ZNF577: variants seen among roughly 807,000 people sequenced by gnomAD.
ZNF577 encodes the protein zinc finger protein 577.
Under a neutral mutation model 13.9 loss-of-function variants are expected in ZNF577, and 14 were observed. That is an observed-to-expected ratio of 1.00 (90% CI 0.66 to 1.57). ZNF577 has a LOEUF of 1.57. Among genes scored for constraint, ZNF577 ranks in the 40% most tolerant of loss-of-function variants. ZNF577 has a pLI of 0.00. For synonymous variants in ZNF577, 203 were observed against 202.9 expected (o/e 1.00, Z 0.00); for missense variants, 555 against 579.2 (o/e 0.96, Z 0.43).
At chr19:51,842,356 TG>T (rs1220663133) in intron 8 of ZNF577, among the ~76,000 whole-genome samples, 1 of 152,152 alleles carries the variant, frequency 6.6e-6, no homozygotes, top group Non-Finnish European at 1.5e-5. Flanking sequence ...GTCTAGGTCA[TG>T]AGGGCTCCAC....
At chr19:51,851,788 G>A (rs1164691843) in intron 5 of ZNF577, among the ~76,000 whole-genome samples, 7 of 152,116 alleles carry the variant, frequency 4.6e-5, no homozygotes, top group Non-Finnish European at 8.8e-5. Flanking sequence ...ATCTGGAGCC[G>A]CCCTGTCACT....
chr19:51,836,635 G>T lies in ZNF577; in HGVS notation c.*599+3258C>A, dbSNP rs142480010. Among the ~76,000 whole-genome samples the T allele has an allele frequency of 5.9e-4, 90 of 152,280 alleles. 2 individuals are homozygous for T. The East Asian group carries it at 0.017, about 28-fold the overall frequency. ...ATTTTATTCATAAAAGTCAAACCTG[G>T]AAGTAACTCAGATGTCTGTCAACTG... On this transcript the variant is annotated intron_variant and NMD_transcript_variant, in intron 9 of 10. Coordinates refer to the ZNF577 transcript ENST00000638827.
intron 5 of ZNF577, among the ~76,000 whole-genome samples, chr19:51,850,552 G>C (rs2215518): frequency 0.38 from 57,453 of 152,092 alleles, 11,972 homozygotes; most frequent in African/African-American, 0.55. Context: ...TACTGACTTT[G>C]TTCTGTAGCC....
chr19:51,824,846 C>T lies in ZNF577; in HGVS notation c.*600-13172G>A. The T allele has an allele frequency of 6.6e-7, 1 of 1,518,008 alleles. No individual in the cohort carries two copies. The highest frequency in any genetic ancestry group is 8.9e-7 in the Non-Finnish European group (1 of 1,127,096). The allele number at this position is 1,518,008 out of a possible 1,614,324, so 94.0% of individuals were successfully genotyped here. A position where few individuals can be genotyped will look rare whatever the true frequency, so the allele number is the denominator to read the frequency against. On this transcript the variant is annotated intron_variant and NMD_transcript_variant, in intron 9 of 10. Transcript: ENST00000638827. This position sits in a 1 kb window ranked among gnomAD's most constrained non-coding sequence, Gnocchi z 4.7. ...ATTTTTGGGCTCTGTCTCTTTCTAC[C>T]CTGCGTTAAGCGGAAAAAAAAAATT...
chr19:51,867,818 A>T lies in ZNF577; in HGVS notation c.*4714T>A, dbSNP rs928271609. Among the ~76,000 whole-genome samples, 1 of 152,092 alleles carries T rather than the reference A, an allele frequency of 6.6e-6. No homozygotes were observed. The highest frequency in any genetic ancestry group is 2.4e-5 in the African/African-American group (1 of 41,422). ...AAAAAACAAAAACAAGCAAACAAAC[A>T]AAAAGAACAAAGCTAGGGTTGGAAA... is the stretch of plus-strand genomic sequence containing the variant. On this transcript the variant is annotated 3_prime_UTR_variant, in exon 6 of 6. Transcript: ENST00000638348.
chr19:51,880,602 T>C (rs1040372710), intron 2 of ZNF577, 77 bp downstream of exon 2: 2 of 582,096 alleles, frequency 3.4e-6, no homozygotes, highest in East Asian at 2.9e-5. Flanking sequence ...CACTATCTCA[T>C]TTAACCAGAC....
intron 5 of ZNF577, among the ~76,000 whole-genome samples, chr19:51,857,442 G>C (rs1384172845): frequency 1.7e-4 from 25 of 147,798 alleles, no homozygotes; most frequent in African/African-American, 5.7e-4. Flanking sequence ...AAAAAACAAA[G>C]AAAGGAAGGA....
chr19:51,811,229 A>G (rs1474944323), intron 10 of ZNF577, among the ~76,000 whole-genome samples: 1 of 151,296 alleles, frequency 6.6e-6, no homozygotes, highest in Non-Finnish European at 1.5e-5. Context: ...CTCTGTCCCA[A>G]TTTTCCACAT....
intron 5 of ZNF577, among the ~76,000 whole-genome samples, chr19:51,858,438 A>C (rs2084461339): frequency 6.6e-6 from 1 of 152,204 alleles, no homozygotes; most frequent in Admixed American, 6.5e-5. Context: ...GACACACACA[A>C]ACACACACAG....
intron 5 of ZNF577, among the ~76,000 whole-genome samples, chr19:51,875,701 A>G (rs557738273): frequency 1.3e-5 from 2 of 152,314 alleles, no homozygotes; most frequent in African/African-American, 4.8e-5. Flanking sequence ...TTCTTCAAGC[A>G]ACACTCACTC....
chr19:51,820,098 A>G (rs2084177016), intron 9 of ZNF577, among the ~76,000 whole-genome samples: 1 of 152,208 alleles, frequency 6.6e-6, no homozygotes, highest in Non-Finnish European at 1.5e-5. Flanking sequence ...AAATTCAGCC[A>G]AGGCCATCAG....
intron 5 of ZNF577, 57 bp downstream of exon 5, chr19:51,877,225 G>T: frequency 6.7e-7 from 1 of 1,481,774 alleles, no homozygotes; most frequent in South Asian, 1.1e-5. Context: ...ACCCTTCTCC[G>T]ACCAGCTGGG....
At chr19:51,878,691 CAG>C in intron 3 of ZNF577, 176 bp from the exon 4 acceptor site, 1 of 617,200 alleles carries the variant, frequency 1.6e-6, no homozygotes. Flanking sequence ...AGCACGAAGG[CAG>C]TACTAGCATA....
chr19:51,812,118 T>C (rs2084101480), intron 9 of ZNF577, among the ~76,000 whole-genome samples: 1 of 152,176 alleles, frequency 6.6e-6, no homozygotes, highest in Non-Finnish European at 1.5e-5. Context: ...ACAGAATATG[T>C]TGGAGGTAGA....
At chr19:51,874,009 C>T (rs1225782276) in intron 5 of ZNF577, among the ~76,000 whole-genome samples, 1 of 152,096 alleles carries the variant, frequency 6.6e-6, no homozygotes, top group African/African-American at 2.4e-5. Flanking sequence ...AGTAATGTAC[C>T]TCACACTCTG....
At chr19:51,805,204 C>G (rs1016783610) in exon 11 of ZNF577, 1 of 152,204 alleles carries the variant, frequency 6.6e-6, no homozygotes, top group African/African-American at 2.4e-5. Context: ...AATGTAAGAC[C>G]AGGCTGGGCA....
chr19:51,826,300 C>T (rs974212809), intron 9 of ZNF577: 1 of 152,140 alleles, frequency 6.6e-6, no homozygotes, highest in African/African-American at 2.4e-5. Flanking sequence ...TCCTTGTTAG[C>T]TTTTACATAA....
At position 51,840,874 on chromosome 19, in the gene ZNF577, A is replaced by T. The variant is rs2084316589; in HGVS notation, c.*375-757T>A. ...AACTTTTGAAAAAAAACTAATAAAAACTACTTGAGAACTTTTAAAATGAAT... is the reference window on the plus strand; with the variant it reads ...AACTTTTGAAAAAAAACTAATAAAATCTACTTGAGAACTTTTAAAATGAAT... On this transcript the variant is annotated intron_variant and NMD_transcript_variant, in intron 8 of 10. Transcript: ENST00000638827. 2.6e-5 allele frequency: 4 copies of T among 152,314 alleles called. No individual in the cohort carries two copies. In the South Asian group the frequency reaches 8.3e-4, roughly 32 times the overall value. The allele number at this position is 152,314 out of a possible 1,614,324, so 9.4% of individuals were successfully genotyped here. A position where few individuals can be genotyped will look rare whatever the true frequency, so the allele number is the denominator to read the frequency against.
At chr19:51,881,650 C>T (rs1442152530) in intron 1 of ZNF577, among the ~76,000 whole-genome samples, 1 of 152,168 alleles carries the variant, frequency 6.6e-6, no homozygotes, top group Non-Finnish European at 1.5e-5. Context: ...TGTTCTCTTT[C>T]CTACCCACTT....
Sources: allele counts gnomAD v4.1 joint callset (sites outside exome capture counted in the v4.1 genomes callset), GRCh38; gene constraint gnomAD v4.1.1; non-coding constraint Gnocchi (gnomAD v3.1); transcripts MANE v1.5; gene names NCBI Gene and HGNC (gene_info 2026-07-23, HGNC 2026-07-21).